Variants in IQCM observed in about 807,000 individuals in gnomAD.
The protein encoded by IQCM is IQ motif containing M.
A neutral mutation model predicts 57.6 loss-of-function variants in IQCM; 45 were observed. The ratio of observed to expected loss-of-function variants is 0.78; its 90% confidence interval spans 0.62 to 1.00. The LOEUF (loss-of-function observed/expected upper bound fraction) is 1.00, where lower values mean the gene tolerates loss of function less well. Among genes scored for constraint, IQCM ranks in the 50% least tolerant of loss-of-function variants. IQCM has a pLI of 0.00. For missense variants in IQCM, 468 were observed against 511.6 expected (o/e 0.91, Z 0.82); for synonymous variants, 148 against 158.9 (o/e 0.93, Z 0.51).
At chr4:149,757,767 A>G (rs187035055) in intron 2 of IQCM, among the ~76,000 whole-genome samples, 4,538 of 141,482 alleles carry the variant, frequency 0.032, 220 homozygotes, top group African/African-American at 0.12. Flanking sequence ...GTGTGTGTGT[A>G]TATTTCTGCA....
intron 7 of IQCM, among the ~76,000 whole-genome samples, chr4:149,623,356 C>T (rs1449799557): frequency 1.3e-5 from 2 of 152,134 alleles, no homozygotes; most frequent in African/African-American, 2.4e-5. Context: ...TTTTATCTTG[C>T]TTACTCATAA....
At chr4:149,594,778 C>T (rs1043420886) in intron 8 of IQCM, among the ~76,000 whole-genome samples, 2 of 152,144 alleles carry the variant, frequency 1.3e-5, no homozygotes, top group Non-Finnish European at 2.9e-5. Context: ...GAGTGAGTTT[C>T]TTAATCCTGA....
intron 12 of IQCM, among the ~76,000 whole-genome samples, chr4:149,526,521 T>C (rs1220171397): frequency 6.6e-6 from 1 of 152,042 alleles, no homozygotes; most frequent in Non-Finnish European, 1.5e-5. Context: ...ATGTAAAAAA[T>C]GGCTCCTCAA....
intron 3 of IQCM, among the ~76,000 whole-genome samples, chr4:149,739,133 A>G (rs977714006): frequency 6.6e-6 from 1 of 152,116 alleles, no homozygotes; most frequent in Admixed American, 6.6e-5. Flanking sequence ...CTTCTTTATT[A>G]TGAAAACTAT....
At position 149,382,996 on chromosome 4, in the gene IQCM, A is replaced by G. The variant is rs572518423; in HGVS notation, c.1391-30930T>C. The stretch of plus-strand genomic sequence containing the variant: ...ATTAATGGTCATATTCTTCAGCAAA[A>G]AAAAAAAAAAAAGAAAAATTATACT... On this transcript the variant is annotated intron_variant, in intron 13 of 13. Coordinates refer to ENST00000636793, the MANE Select transcript of IQCM (RefSeq NM_001363507.2). 2.1e-3 allele frequency among the ~76,000 whole-genome samples: 311 copies of G among 150,430 alleles called. 3 individuals are homozygous for G. Among genetic ancestry groups the G allele is most frequent in the African/African-American group, 7.3e-3 (300 of 41,324 alleles).
intron 12 of IQCM, among the ~76,000 whole-genome samples, chr4:149,446,386 G>C (rs925856249): frequency 6.6e-6 from 1 of 151,662 alleles, no homozygotes; most frequent in Non-Finnish European, 1.5e-5. Context: ...CCATTCAAAA[G>C]AGCTTACTGG....
intron 5 of IQCM, 143 bp downstream of exon 5, chr4:149,733,098 CTAA>C (rs1190120074): frequency 4.4e-6 from 3 of 688,178 alleles, no homozygotes; most frequent in African/African-American, 1.9e-5. Context: ...ATTAGCAGCT[CTAA>C]TAATCAGGCC....
intron 13 of IQCM, among the ~76,000 whole-genome samples, chr4:149,395,265 G>C (rs1220342172): frequency 1.3e-5 from 2 of 152,050 alleles, no homozygotes; most frequent in Non-Finnish European, 2.9e-5. Flanking sequence ...AGGCTAACCT[G>C]CCTTAGAATC....
At chr4:149,576,576 T>G (rs948679559) in intron 9 of IQCM, among the ~76,000 whole-genome samples, 6 of 151,900 alleles carry the variant, frequency 3.9e-5, no homozygotes, top group African/African-American at 1.2e-4. Context: ...AATAGGATTT[T>G]GTCCTTTTTT....
chr4:149,503,044 C>T (rs983247182), intron 12 of IQCM, among the ~76,000 whole-genome samples: 1 of 151,570 alleles, frequency 6.6e-6, no homozygotes, highest in African/African-American at 2.4e-5. Context: ...GAGACTCCAA[C>T]TCTACAAAAA....
At chr4:149,643,764 A>C (rs139817515) in intron 7 of IQCM, among the ~76,000 whole-genome samples, 2 of 152,096 alleles carry the variant, frequency 1.3e-5, no homozygotes, top group African/African-American at 4.8e-5. Context: ...AAAACAAGTA[A>C]TTGTTTAATA....
intron 3 of IQCM, among the ~76,000 whole-genome samples, chr4:149,736,175 A>G (rs1358828611): frequency 6.6e-6 from 1 of 150,652 alleles, no homozygotes. Flanking sequence ...CTCGAACTCC[A>G]GGGCTCAAGC....
intron 5 of IQCM, among the ~76,000 whole-genome samples, chr4:149,696,932 TGGA>T (rs1443735614): frequency 1.3e-5 from 2 of 152,132 alleles, no homozygotes; most frequent in African/African-American, 4.8e-5. Context: ...CAAACCAAGG[TGGA>T]GGAGGAAAGG....
At chr4:149,661,059 A>G (rs1002662868) in intron 7 of IQCM, among the ~76,000 whole-genome samples, 20 of 152,054 alleles carry the variant, frequency 1.3e-4, no homozygotes, top group African/African-American at 4.6e-4. Flanking sequence ...CTTGTTTCCA[A>G]TCTGAGAGGA....
At position 149,386,273 on chromosome 4, in the gene IQCM, G is replaced by A. The variant is rs1268676740; in HGVS notation, c.1391-34207C>T. 2.0e-5 allele frequency among the ~76,000 whole-genome samples: 3 copies of A among 152,020 alleles called. No individual in the cohort carries two copies. The East Asian group carries it at 5.8e-4, about 29-fold the overall frequency. ...ATGCCAGTGGAGAGAGAAGAATGAGGGAAAGTGGTAATCTCATGGGCACAT... is the reference window on the plus strand; with the variant it reads ...ATGCCAGTGGAGAGAGAAGAATGAGAGAAAGTGGTAATCTCATGGGCACAT... On this transcript the variant is annotated intron_variant, in intron 13 of 13. Coordinates refer to ENST00000636793, the MANE Select transcript of IQCM (RefSeq NM_001363507.2).
intron 13 of IQCM, among the ~76,000 whole-genome samples, chr4:149,406,016 C>T (rs1732957113): frequency 6.6e-6 from 1 of 151,336 alleles, no homozygotes; most frequent in Non-Finnish European, 1.5e-5. Context: ...CACAGATATG[C>T]TGTTCTTATT....
chr4:149,735,328 T>C, intron 4 of IQCM, 48 bp downstream of exon 4: 4 of 905,564 alleles, frequency 4.4e-6, no homozygotes, highest in Non-Finnish European at 4.4e-6. Flanking sequence ...ATCCTTGTAG[T>C]ATGCAAAAAT....
intron 2 of IQCM, among the ~76,000 whole-genome samples, chr4:149,806,094 T>C (rs1455987224): frequency 6.6e-6 from 1 of 151,634 alleles, no homozygotes; most frequent in Non-Finnish European, 1.5e-5. Context: ...GAAACTTTGA[T>C]TGTCAAAATA....
intron 2 of IQCM, among the ~76,000 whole-genome samples, chr4:149,757,077 T>C (rs1247216032): frequency 6.6e-6 from 1 of 151,964 alleles, no homozygotes; most frequent in Non-Finnish European, 1.5e-5. Flanking sequence ...GCTAACACAG[T>C]GAAACCCCAT....
Sources: allele counts gnomAD v4.1 joint callset (sites outside exome capture counted in the v4.1 genomes callset), GRCh38; gene constraint gnomAD v4.1.1; transcripts MANE v1.5; gene names NCBI Gene and HGNC (gene_info 2026-07-23, HGNC 2026-07-21).